OR51G2: variants seen among roughly 807,000 people sequenced by gnomAD.
The protein encoded by OR51G2 is olfactory receptor 51G2.
In OR51G2, 13 loss-of-function variants were observed where a neutral mutation model predicts 11.8. The ratio of observed to expected loss-of-function variants is 1.10; its 90% CI spans 0.72 to 1.76. The LOEUF is 1.76. Ranked by LOEUF, OR51G2 falls within the 40% of genes most tolerant of loss-of-function variation. The pLI, the probability that OR51G2 is intolerant of heterozygous loss-of-function variation, is 0.00. For missense variants in OR51G2, 474 were observed against 394.4 expected, an observed-to-expected ratio of 1.20 and a Z score of -1.71; for synonymous variants, 178 against 151.9, an observed-to-expected ratio of 1.17 and a Z score of -1.26.
Position 4,914,793 on chromosome 11 carries a change from C to T in OR51G2, c.871G>A (p.Val291Met). 1 of 1,613,990 alleles carries T rather than the reference C, an allele frequency of 6.2e-7. No homozygotes were observed. Residue 291 changes from valine to methionine, a missense_variant, in exon 2 of 2, where the codon GTG becomes ATG. Physicochemically the swap from Val to Met is conservative, Grantham distance 21 (BLOSUM62 1). Coordinates refer to ENST00000641926, the MANE Select transcript of OR51G2 (RefSeq NM_001005238.2). The part of the protein sequence containing the change: ...MGFMYLLFPP[V>M]MNPIVYSVKT... ...ACACTGTAGACAATGGGATTCATCA[C>T]AGGAGGAAAGAGAAGATACATGAAA...
chr11:4,917,593 A>T (rs1851117203), intron 1 of OR51G2, among the ~76,000 whole-genome samples: 2 of 152,196 alleles, frequency 1.3e-5, no homozygotes, highest in Admixed American at 1.3e-4. Flanking sequence ...CCTGAAGATC[A>T]TATAGGCTCT....
At chr11:4,915,976 C>T (rs1057064630) in intron 1 of OR51G2, among the ~76,000 whole-genome samples, 1 of 152,108 alleles carries the variant, frequency 6.6e-6, no homozygotes, top group Non-Finnish European at 1.5e-5. Context: ...ACTTCTGTAT[C>T]AACCAGGTCT....
Position 4,913,707 on chromosome 11 carries a change from AG to A in OR51G2, c.*1011del, listed in dbSNP as rs1286088503. 3 of 152,178 alleles carry A rather than the reference AG, an allele frequency of 2.0e-5. No individual in the cohort carries two copies. The highest frequency in any genetic ancestry group is 1.5e-5 in the Non-Finnish European group (1 of 68,030). 9.4% of individuals were successfully genotyped at this position (152,178 alleles called of 1,614,324 possible). A position where few individuals can be genotyped will look rare whatever the true frequency, so the allele number is the denominator to read the frequency against. On this transcript the variant is annotated 3_prime_UTR_variant, in exon 2 of 2. Coordinates refer to ENST00000641926, the MANE Select transcript of OR51G2 (RefSeq NM_001005238.2). ...TTCTTAAACCTTCCTGACATTCTAG[AG>A]AATAAAAATGGCAACAAAAACAACA...
chr11:4,915,921 T>G (rs2133575499), intron 1 of OR51G2, among the ~76,000 whole-genome samples, 182 bp from the exon 2 acceptor site: 1 of 152,036 alleles, frequency 6.6e-6, no homozygotes, highest in East Asian at 1.9e-4. Flanking sequence ...ACTGGGTGAG[T>G]TGGAGATTCT....
Position 4,915,146 on chromosome 11 carries a change from T to C in OR51G2, c.518A>G (p.Tyr173Cys), listed in dbSNP as rs145244248. The C allele has an allele frequency of 6.4e-5, 104 of 1,613,842 alleles. No homozygotes were observed. Among genetic ancestry groups the C allele is most frequent in the Admixed American group, 3.2e-4 (19 of 59,974 alleles). Residue 173 changes from tyrosine (Y) to cysteine (C), a missense_variant, in exon 2 of 2, where the codon TAT becomes TGT. Coordinates refer to ENST00000641926, the MANE Select transcript of OR51G2 (RefSeq NM_001005238.2). ...ATGTGAGAGAACTGGGGAGCCACAA[T>C]AGGGGAATCTTTTGAGCATAAAAGG... ...PLPFMLKRFP[Y>C]CGSPVLSHSY...
Position 4,915,545 on chromosome 11 carries a change from T to C in OR51G2, c.119A>G (p.Tyr40Cys), listed in dbSNP as rs143041657. Residue 40 changes from tyrosine to cysteine, a missense_variant, in exon 2 of 2, where the codon TAT (tyrosine) becomes TGT (cysteine). Coordinates refer to ENST00000641926, the MANE Select transcript of OR51G2 (RefSeq NM_001005238.2). ...GCAGTTGCCCGGGATGGAAACCAGA[T>C]ACATGAAGCACAGTGGGATGGAGAT... ...IWISIPLCFM[Y>C]LVSIPGNCTI... The C allele has an allele frequency of 7.1e-4, 1,138 of 1,614,038 alleles. No homozygotes were observed. Among genetic ancestry groups the C allele is most frequent in the Admixed American group, 8.7e-4 (52 of 60,006 alleles).
chr11:4,916,057 G>A (rs34645570), intron 1 of OR51G2, among the ~76,000 whole-genome samples: 14,169 of 152,018 alleles, frequency 0.093, 849 homozygotes, highest in Middle Eastern at 0.2. Flanking sequence ...AGTGGCTCAC[G>A]CCTGTAATCT....
rs531127543 is a variant in OR51G2 at position 4,917,682 on chromosome 11, T to C, written c.-77+1495A>G. Among the ~76,000 whole-genome samples, 5 of 152,262 alleles carry C rather than the reference T, an allele frequency of 3.3e-5. No homozygotes were observed. In the East Asian group the frequency reaches 9.7e-4, roughly 30 times the overall value. On this transcript the variant is annotated intron_variant, in intron 1 of 1. Transcript: ENST00000641926. ...CATATCAAAGTGAATTCAGAAAAGC[T>C]GTGATAAACTTACCTGTCAGGGACA...
chr11:4,915,337 A>T lies in OR51G2; in HGVS notation c.327T>A (p.Ile109=). 1 of 1,614,028 alleles carries T rather than the reference A, an allele frequency of 6.2e-7. No individual in the cohort carries two copies. Among genetic ancestry groups the T allele is most frequent in the Middle Eastern group, 1.6e-4 (1 of 6,062 alleles). Residue 109 remains isoleucine (I), a synonymous_variant, in exon 2 of 2, where the codon ATT becomes ATA. Transcript: ENST00000641926. ...HDACFAQLFF[I]HCFSFLESSV... ...AGGACTCGAGGAAGGAGAAGCAGTG[A>T]ATGAAAAAGAGCTGAGCAAAGCAGG... is the stretch of plus-strand genomic sequence containing the variant.
In OR51G2 at chr11:4,914,835, C is replaced by T. The variant is rs780140469; in HGVS notation, c.829G>A (p.Val277Ile). ...HRFGKQAPHL[V>I]QVVMGFMYLL... ...TACATGAAACCCATGACCACCTGGA[C>T]CAGGTGGGGTGCCTGCTTTCCAAAG... The change falls in exon 2 of 2, where the codon GTC (valine) becomes ATC (isoleucine). Residue 277 changes from valine to isoleucine, a missense_variant. Val to Ile is a conservative substitution (Grantham distance 29, BLOSUM62 3). Transcript: ENST00000641926. 15 of 1,613,982 alleles carry T rather than the reference C, an allele frequency of 9.3e-6. 1 individual carries two copies. The Admixed American group carries it at 2.5e-4, about 27-fold the overall frequency.
chr11:4,912,950 A>T lies in OR51G2; in HGVS notation c.*1769T>A, dbSNP rs1468175844. The stretch of plus-strand genomic sequence containing the variant: ...AACATACTCTTTCAAATTGGAAAAG[A>T]AAAAAAAAACAAGCTGTAACTATTC... On this transcript the variant is annotated 3_prime_UTR_variant, in exon 2 of 2. Coordinates refer to ENST00000641926, the MANE Select transcript of OR51G2 (RefSeq NM_001005238.2). 3 of 141,304 alleles carry T rather than the reference A, an allele frequency of 2.1e-5. No homozygotes were observed. Among genetic ancestry groups the T allele is most frequent in the Non-Finnish European group, 3.0e-5 (2 of 66,642 alleles). 8.8% of individuals were successfully genotyped at this position (141,304 alleles called of 1,614,324 possible).
rs770867497 is a variant in OR51G2 at position 4,915,305 on chromosome 11, A to G, written c.359T>C (p.Leu120Pro). ...AAAGCGGTCAAAGGCCATAGACAGT[A>G]GCACAGAGGACTCGAGGAAGGAGAA... The part of the protein sequence containing the change: ...HCFSFLESSV[L>P]LSMAFDRFVA... The change falls in exon 2 of 2, where the codon CTA becomes CCA. Residue 120 changes from leucine to proline, a missense_variant. Coordinates refer to ENST00000641926, the MANE Select transcript of OR51G2 (RefSeq NM_001005238.2). 2.3e-5 allele frequency: 37 copies of G among 1,613,930 alleles called. No homozygotes were observed. Among genetic ancestry groups the G allele is most frequent in the Non-Finnish European group, 3.0e-5 (35 of 1,180,008 alleles).
At chr11:4,918,064 C>CA (rs1369843400) in intron 1 of OR51G2, among the ~76,000 whole-genome samples, 7 of 151,824 alleles carry the variant, frequency 4.6e-5, no homozygotes, top group Non-Finnish European at 8.8e-5. Flanking sequence ...AGGGACATTC[C>CA]AAAAATCACC....
rs1851078440 is a variant in OR51G2, at chr11:4,915,742, G to T, written c.-76-3C>A. On this transcript the variant is annotated splice_region_variant and splice_polypyrimidine_tract_variant and intron_variant, in intron 1 of 1. Coordinates refer to ENST00000641926, the MANE Select transcript of OR51G2 (RefSeq NM_001005238.2). ...TGAGGCAGTACTGGTGATTGCACCT[G>T]GTGGAAATTAAAGAAAAAAAATAGA... The T allele has an allele frequency of 2.2e-6, 2 of 916,506 alleles. No homozygotes were observed. The highest frequency in any genetic ancestry group is 3.3e-6 in the Non-Finnish European group (2 of 601,234). The allele number at this position is 916,506 out of a possible 1,614,324, so 56.8% of individuals were successfully genotyped here.
intron 1 of OR51G2, among the ~76,000 whole-genome samples, chr11:4,918,013 G>A (rs540556004): frequency 8.6e-5 from 13 of 151,542 alleles, no homozygotes; most frequent in Non-Finnish European, 1.8e-4. Flanking sequence ...GAAAGAAATA[G>A]AATTACTGAA....
rs1851045028 is a variant in OR51G2 at position 4,914,627 on chromosome 11, A to G, written c.*92T>C. ...CTGTACATGTTTGTTGAGTAAGTAA[A>G]TGTCTCCTTTATTTTATGCATGTTA... On this transcript the variant is annotated 3_prime_UTR_variant, in exon 2 of 2. Coordinates refer to ENST00000641926, the MANE Select transcript of OR51G2 (RefSeq NM_001005238.2). 1 of 844,392 alleles carries G rather than the reference A, an allele frequency of 1.2e-6. No homozygotes were observed. The highest frequency in any genetic ancestry group is 1.9e-6 in the Non-Finnish European group (1 of 538,228). 52.3% of individuals were successfully genotyped at this position (844,392 alleles called of 1,614,324 possible).
At chr11:4,918,241 G>A (rs898789520) in intron 1 of OR51G2, among the ~76,000 whole-genome samples, 7 of 152,130 alleles carry the variant, frequency 4.6e-5, no homozygotes, top group Non-Finnish European at 7.3e-5. Context: ...CACATACTGA[G>A]AAGTTGGAAA....
In OR51G2 at chr11:4,915,309, C is replaced by A; in HGVS notation, c.355G>T (p.Val119Leu). The part of the protein sequence containing the change: ...IHCFSFLESS[V>L]LLSMAFDRFV... ...CGGTCAAAGGCCATAGACAGTAGCA[C>A]AGAGGACTCGAGGAAGGAGAAGCAG... Residue 119 changes from valine to leucine, a missense_variant, in exon 2 of 2, where the codon GTG (valine) becomes TTG (leucine). Physicochemically the swap from Val to Leu is conservative, Grantham distance 32. Transcript: ENST00000641926. 1 of 1,613,918 alleles carries A rather than the reference C, an allele frequency of 6.2e-7. No individual in the cohort carries two copies. Among genetic ancestry groups the A allele is most frequent in the Middle Eastern group, 1.6e-4 (1 of 6,062 alleles).
Position 4,912,780 on chromosome 11 carries a change from T to A in OR51G2, c.*1939A>T, listed in dbSNP as rs1263995879. ...TAATTTTCCTTTTCTTTAATTACAT[T>A]GTTTTTTAAAATGTAAAAAACTATA... On this transcript the variant is annotated 3_prime_UTR_variant, in exon 2 of 2. Transcript: ENST00000641926. The A allele has an allele frequency of 6.6e-6, 1 of 152,190 alleles. No individual in the cohort carries two copies. The highest frequency in any genetic ancestry group is 1.5e-5 in the Non-Finnish European group (1 of 68,026). The allele number at this position is 152,190 out of a possible 1,614,324, so 9.4% of individuals were successfully genotyped here. A position where few individuals can be genotyped will look rare whatever the true frequency, so the allele number is the denominator to read the frequency against.
Sources: gnomAD v4.1 joint callset for allele counts (sites outside exome capture counted in the v4.1 genomes callset) on GRCh38, gnomAD v4.1.1 for gene constraint, MANE v1.5 for transcripts, NCBI Gene and HGNC (gene_info 2026-07-23, HGNC 2026-07-21) for gene names.